MEGF10: variants seen among roughly 807,000 people sequenced by gnomAD.
MEGF10 encodes the protein multiple EGF like domains 10, also known as multiple epidermal growth factor-like domains protein 10.
Under a neutral mutation model 147.5 loss-of-function variants are expected in MEGF10, and 86 were observed. That is an observed-to-expected ratio of 0.58 (90% CI 0.49 to 0.70). The LOEUF (loss-of-function observed/expected upper bound fraction) is 0.70. MEGF10 is among the 30% of genes least tolerant of loss of function. The probability of loss-of-function intolerance (pLI) is 0.00; values close to 1 mark genes in which losing one functional copy is unlikely to be tolerated. For missense variants in MEGF10, 1,329 were observed against 1,487.3 expected, an observed-to-expected ratio of 0.89 and a Z score of 1.75; for synonymous variants, 478 against 525.5, an observed-to-expected ratio of 0.91 and a Z score of 1.24.
intron 5 of MEGF10, among the ~76,000 whole-genome samples, chr5:127,391,677 AG>A (rs1427336670): frequency 2.6e-5 from 4 of 152,094 alleles, no homozygotes; most frequent in Non-Finnish European, 4.4e-5. Flanking sequence ...ATTATGACTC[AG>A]GGTGCACAGA....
At chr5:127,357,383 G>A (rs1001669792) in intron 4 of MEGF10, among the ~76,000 whole-genome samples, 4 of 151,926 alleles carry the variant, frequency 2.6e-5, no homozygotes, top group Non-Finnish European at 2.9e-5. Flanking sequence ...CTACATGATC[G>A]GTTAATAGGG....
intron 1 of MEGF10, among the ~76,000 whole-genome samples, chr5:127,326,133 G>A (rs1192817528): frequency 6.6e-6 from 1 of 151,102 alleles, no homozygotes; most frequent in South Asian, 2.1e-4. Context: ...GAGGCTAGTC[G>A]CAAACTCCTG....
chr5:127,401,255 C>A (rs1367225842), intron 7 of MEGF10, among the ~76,000 whole-genome samples: 1 of 152,158 alleles, frequency 6.6e-6, no homozygotes, highest in Non-Finnish European at 1.5e-5. Flanking sequence ...CATCCATTCC[C>A]CTCCCCACAT....
the MEGF10 span, among the ~76,000 whole-genome samples, chr5:127,247,376 A>G: frequency 3.7e-4 from 4 of 10,762 alleles, no homozygotes; most frequent in Non-Finnish European, 5.5e-4. Flanking sequence ...AAGAAGAAGA[A>G]GAAGAAGAAG....
At chr5:127,241,181 A>C in the MEGF10 span, among the ~76,000 whole-genome samples, 1 of 152,232 alleles carries the variant, frequency 6.6e-6, no homozygotes, top group African/African-American at 2.4e-5. Context: ...GTATTTGTCA[A>C]GATTATTTCA....
At chr5:127,391,524 C>T (rs938694244) in intron 5 of MEGF10, among the ~76,000 whole-genome samples, 4 of 150,392 alleles carry the variant, frequency 2.7e-5, no homozygotes, top group East Asian at 2.0e-4. Flanking sequence ...GAGTCAAGAT[C>T]GCACCACTGC....
At chr5:127,420,704 G>T (rs1764963576) in intron 12 of MEGF10, among the ~76,000 whole-genome samples, 2 of 152,118 alleles carry the variant, frequency 1.3e-5, no homozygotes, top group Non-Finnish European at 2.9e-5. Flanking sequence ...AATTTCTTAA[G>T]ATGTCCCTAT....
upstream of MEGF10, among the ~76,000 whole-genome samples, chr5:127,288,443 C>A (rs1759099095): frequency 6.6e-6 from 1 of 151,996 alleles, no homozygotes; most frequent in Admixed American, 6.6e-5. Flanking sequence ...GACACTTTAT[C>A]AAAGAACAGG....
intron 4 of MEGF10, among the ~76,000 whole-genome samples, chr5:127,341,990 C>T (rs988782619): frequency 7.2e-5 from 11 of 152,064 alleles, no homozygotes; most frequent in East Asian, 1.9e-4. Flanking sequence ...TTAAGACTTT[C>T]GATGTATTTC....
In MEGF10 at chr5:127,420,021, G is replaced by A. The variant is rs1372329156; in HGVS notation, c.1427-23G>A. 5.0e-6 allele frequency: 8 copies of A among 1,612,202 alleles called. No individual in the cohort carries two copies. The Admixed American group carries it at 1.0e-4, about 20-fold the overall frequency. ...CTCTGCTGCCTTTGTTCGCTCACGT[G>A]CTCTGGCGTTCTTGTCGCACAGGCT... is the stretch of plus-strand genomic sequence containing the variant. On this transcript the variant is annotated intron_variant, in intron 11 of 24. Transcript: ENST00000503335.
At chr5:127,285,153 A>C in the MEGF10 span, among the ~76,000 whole-genome samples, 1 of 152,282 alleles carries the variant, frequency 6.6e-6, no homozygotes, top group African/African-American at 2.4e-5. Context: ...TTTTATTTCT[A>C]TCTGCTTCTA....
At chr5:127,282,520 A>G in the MEGF10 span, among the ~76,000 whole-genome samples, 1 of 152,226 alleles carries the variant, frequency 6.6e-6, no homozygotes, top group South Asian at 2.1e-4. Flanking sequence ...TACTTGTAAT[A>G]AAGGCCTGAC....
chr5:127,238,334 G>A, the MEGF10 span, among the ~76,000 whole-genome samples: 6 of 152,016 alleles, frequency 3.9e-5, no homozygotes, highest in East Asian at 1.2e-3. Flanking sequence ...GGGATTACAG[G>A]TGTGAGCCAC....
At chr5:127,422,574 G>GTACT in intron 12 of MEGF10, 96 bp from the exon 13 acceptor site, 1 of 873,838 alleles carries the variant, frequency 1.1e-6, no homozygotes, top group South Asian at 1.4e-5. Context: ...GGACAGCAGG[G>GTACT]TACTGTATGT....
chr5:127,409,424 C>T (rs1561628195), intron 8 of MEGF10, among the ~76,000 whole-genome samples: 1 of 152,218 alleles, frequency 6.6e-6, no homozygotes, highest in Non-Finnish European at 1.5e-5. Flanking sequence ...GCAGAAAGCT[C>T]CCCTTCTGCT....
At chr5:127,335,841 G>A (rs1761449976) in intron 2 of MEGF10, among the ~76,000 whole-genome samples, 2 of 151,624 alleles carry the variant, frequency 1.3e-5, no homozygotes, top group South Asian at 4.2e-4. Context: ...TCTGTCTCTT[G>A]CTCTGTTTTT....
intron 4 of MEGF10, among the ~76,000 whole-genome samples, chr5:127,360,866 A>G (rs112490342): frequency 5.5e-4 from 83 of 149,696 alleles, no homozygotes; most frequent in African/African-American, 1.6e-3. Flanking sequence ...ATGTGTGTGT[A>G]TATATATATA....
chr5:127,315,628 G>A (rs571103715), intron 1 of MEGF10, among the ~76,000 whole-genome samples: 50 of 152,140 alleles, frequency 3.3e-4, no homozygotes, highest in African/African-American at 1.2e-3. Flanking sequence ...ACAAAAATTA[G>A]CCAGGTGTGT....
chr5:127,383,865 C>G (rs891950683), intron 5 of MEGF10, among the ~76,000 whole-genome samples: 1 of 152,134 alleles, frequency 6.6e-6, no homozygotes, highest in African/African-American at 2.4e-5. Flanking sequence ...ATTTTTTTCT[C>G]AAGAAAACCA....
Sources: allele counts gnomAD v4.1 joint callset (sites outside exome capture counted in the v4.1 genomes callset), GRCh38; gene constraint gnomAD v4.1.1; transcripts MANE v1.5; gene names NCBI Gene and HGNC (gene_info 2026-07-23, HGNC 2026-07-21).